The following POLR1A variants were observed in gnomAD, a reference collection of about 807,000 sequenced individuals.
POLR1A encodes RNA polymerase I subunit A, also known as DNA-directed RNA polymerase I subunit RPA1.
In POLR1A, 84 loss-of-function variants were observed where a neutral mutation model predicts 205.3. The ratio of observed to expected loss-of-function variants is 0.41; its 90% confidence interval spans 0.34 to 0.49. The LOEUF (loss-of-function observed/expected upper bound fraction) is 0.49, where lower values mean the gene tolerates loss of function less well. Among genes scored for constraint, POLR1A ranks in the 20% least tolerant of loss-of-function variants. The pLI, the probability that POLR1A is intolerant of heterozygous loss-of-function variation, is 0.22. For synonymous variants in POLR1A, 799 were observed against 863.7 expected, an observed-to-expected ratio of 0.93 and a Z score of 1.31; for missense variants, 1,645 against 2,204.5, an observed-to-expected ratio of 0.75 and a Z score of 5.08.
At chr2:86,051,524 G>A (rs370190444) in intron 16 of POLR1A, among the ~76,000 whole-genome samples, 134 of 152,372 alleles carry the variant, frequency 8.8e-4, no homozygotes, top group African/African-American at 2.9e-3. Context: ...GTCTGCACAC[G>A]AGTGGGTCTG....
intron 2 of POLR1A, among the ~76,000 whole-genome samples, chr2:86,099,042 A>G (rs2104436821): frequency 6.6e-6 from 1 of 152,286 alleles, no homozygotes; most frequent in Admixed American, 6.5e-5. Context: ...AGATTTAATT[A>G]AGAGACTTCT....
At chr2:86,077,795 C>G (rs1016225440) in intron 11 of POLR1A, 64 bp downstream of exon 11, 1 of 1,570,282 alleles carries the variant, frequency 6.4e-7, no homozygotes, top group Non-Finnish European at 8.7e-7. Context: ...AGCAAATGAG[C>G]CCTGCACGCG....
intron 23 of POLR1A, 68 bp from the exon 24 acceptor site, chr2:86,042,171 T>C: frequency 9.0e-7 from 1 of 1,112,650 alleles, no homozygotes; most frequent in Admixed American, 1.7e-5. Flanking sequence ...ATCAAAAGCA[T>C]TGGCTTCCAA....
chr2:86,033,805 C>T lies in POLR1A; in HGVS notation c.4035-18G>A. ...TAAAGAATCTAAAACAAGAAGAAAG[C>T]CAAAAAGCCCTGTGCAGTACCAGCA... On this transcript the variant is annotated intron_variant, in intron 27 of 33. Transcript: ENST00000263857. 1 of 1,613,014 alleles carries T rather than the reference C, an allele frequency of 6.2e-7. No individual in the cohort carries two copies. Among genetic ancestry groups the T allele is most frequent in the Non-Finnish European group, 8.5e-7 (1 of 1,179,734 alleles).
intron 15 of POLR1A, 37 bp from the exon 16 acceptor site, chr2:86,053,037 T>A (rs747418125): frequency 1.3e-6 from 2 of 1,494,620 alleles, no homozygotes; most frequent in Non-Finnish European, 1.8e-6. Flanking sequence ...GGGCTGCGGG[T>A]GATGCCTCCT....
rs916043141 is a variant in POLR1A at position 86,028,133 on chromosome 2, TCAGCA to T, written c.4898-89_4898-85del. 7.7e-7 allele frequency: 1 copy of T among 1,300,546 alleles called. No individual in the cohort carries two copies. The highest frequency in any genetic ancestry group is 1.5e-5 in the African/African-American group (1 of 68,804). 80.6% of individuals were successfully genotyped at this position (1,300,546 alleles called of 1,614,324 possible). On this transcript the variant is annotated intron_variant, in intron 32 of 33. Transcript: ENST00000263857. The surrounding 1 kb of genome is among the most constrained non-coding windows in gnomAD (Gnocchi z 4.5). ...AGACACAAGCCAAGCTGCCTCCACATCAGCACATGGCTTGGGAGTTAGACTCTGGG... is the reference window on the plus strand; with the variant it reads ...AGACACAAGCCAAGCTGCCTCCACATCATGGCTTGGGAGTTAGACTCTGGG...
At chr2:86,043,668 C>T (rs1353587581) in intron 22 of POLR1A, among the ~76,000 whole-genome samples, 1 of 152,168 alleles carries the variant, frequency 6.6e-6, no homozygotes, top group Non-Finnish European at 1.5e-5. Context: ...GTGATGGTCA[C>T]TACAAGGGCA....
At chr2:86,049,647 G>C (rs1489962268) in intron 16 of POLR1A, among the ~76,000 whole-genome samples, 1 of 152,186 alleles carries the variant, frequency 6.6e-6, no homozygotes. Context: ...GAAAAAGAGA[G>C]AGAGAACATC....
chr2:86,037,640 T>C (rs749884439), intron 27 of POLR1A, among the ~76,000 whole-genome samples: 1 of 152,212 alleles, frequency 6.6e-6, no homozygotes, highest in African/African-American at 2.4e-5. Context: ...TGGTCTAGAT[T>C]AGAGGCAGTG....
chr2:86,031,640 C>A lies in POLR1A; in HGVS notation c.4273-5G>T. 6.2e-7 allele frequency: 1 copy of A among 1,605,036 alleles called. No homozygotes were observed. Among genetic ancestry groups the A allele is most frequent in the South Asian group, 1.1e-5 (1 of 89,412 alleles). On this transcript the variant is annotated splice_polypyrimidine_tract_variant and splice_region_variant and intron_variant, in intron 29 of 33. Transcript: ENST00000263857. ...TTCCTCACTCTCATAATCAACCTGG[C>A]AGAAAAGGGAGCACAGGCTGTGTCA...
chr2:86,053,763 G>A (rs1371187859), intron 15 of POLR1A, among the ~76,000 whole-genome samples: 1 of 152,150 alleles, frequency 6.6e-6, no homozygotes, highest in Non-Finnish European at 1.5e-5. Flanking sequence ...CCCTGGGCCT[G>A]TCCTTTTGTG....
intron 31 of POLR1A, among the ~76,000 whole-genome samples, chr2:86,029,844 C>T (rs1212388283): frequency 6.6e-6 from 1 of 152,056 alleles, no homozygotes; most frequent in East Asian, 1.9e-4. Context: ...TCGTGATCCG[C>T]CTGCCTTGGC....
At chr2:86,054,661 T>C (rs1672864274) in intron 14 of POLR1A, among the ~76,000 whole-genome samples, 1 of 152,268 alleles carries the variant, frequency 6.6e-6, no homozygotes, top group Non-Finnish European at 1.5e-5. Flanking sequence ...GATATTTCTT[T>C]ACTATGACTG....
chr2:86,087,863 T>C (rs1673529329), intron 6 of POLR1A, among the ~76,000 whole-genome samples: 1 of 152,148 alleles, frequency 6.6e-6, no homozygotes, highest in Non-Finnish European at 1.5e-5. Context: ...TTTTCTACCC[T>C]GGAACACTGA....
Position 86,083,097 on chromosome 2 carries a change from G to A in POLR1A, c.802C>T (p.Leu268=). 6.2e-7 allele frequency: 1 copy of A among 1,613,258 alleles called. No individual in the cohort carries two copies. Among genetic ancestry groups the A allele is most frequent in the Non-Finnish European group, 8.5e-7 (1 of 1,179,176 alleles). ...GATACAGCACCTTCATTCTTCCACA[G>A]GGCAGAAAGGTGTTCGCGGGCACTG... is the stretch of plus-strand genomic sequence containing the variant. ...PTSAREHLSA[L]WKNEGFFLNY... is the part of the protein sequence containing the mutation. The change falls in exon 7 of 34, where the codon CTG becomes TTG. Residue 268 remains leucine (L), a synonymous_variant. Transcript: ENST00000263857.
intron 22 of POLR1A, 115 bp downstream of exon 22, chr2:86,044,024 C>G: frequency 1.1e-6 from 1 of 942,552 alleles, no homozygotes; most frequent in Non-Finnish European, 1.6e-6. Flanking sequence ...CCTTCCCACT[C>G]TACTTTCCAA....
intron 25 of POLR1A, 151 bp downstream of exon 25, chr2:86,040,241 C>T: frequency 1.6e-6 from 1 of 613,800 alleles, no homozygotes; most frequent in Non-Finnish European, 2.5e-6. Context: ...GAAATTCTAA[C>T]CCTGATCCCC....
chr2:86,084,311 G>C (rs1440688264), intron 6 of POLR1A, among the ~76,000 whole-genome samples: 1 of 151,782 alleles, frequency 6.6e-6, no homozygotes, highest in Non-Finnish European at 1.5e-5. Flanking sequence ...CAGCTACTAG[G>C]GAGGCTGAGA....
chr2:86,080,853 T>G lies in POLR1A; in HGVS notation c.1049A>C (p.Lys350Thr). The G allele has an allele frequency of 3.7e-6, 6 of 1,613,958 alleles. No homozygotes were observed. Among genetic ancestry groups the G allele is most frequent in the Non-Finnish European group, 5.1e-6 (6 of 1,179,924 alleles). The change falls in exon 9 of 34, where the codon AAG becomes ACG. Residue 350 changes from lysine (K) to threonine (T), a missense_variant. By Grantham distance (78) the Lys-to-Thr change is moderately conservative. This residue lies in a region of POLR1A where 78 missense variants were observed against 77.7 expected (regional missense o/e 1.00). Transcript: ENST00000263857. ...KLLALMAQEQKLPEEVATPTT... is the reference protein window; with the variant it reads ...KLLALMAQEQTLPEEVATPTT... ...GGGTGTGGCCACTTCCTCTGGCAAC[T>G]TCTGTTCTTGGGCCATCAATGCCAG...
Sources: gnomAD v4.1 joint callset for allele counts (sites outside exome capture counted in the v4.1 genomes callset) on GRCh38, gnomAD v4.1.1 for gene constraint, gnomAD v4.1.1 regional missense constraint, Gnocchi (gnomAD v3.1) non-coding constraint, MANE v1.5 for transcripts, NCBI Gene and HGNC (gene_info 2026-07-23, HGNC 2026-07-21) for gene names.